Variants in TTC27 observed in about 807,000 individuals in gnomAD.
TTC27 encodes tetratricopeptide repeat domain 27.
TTC27 carries 79 observed loss-of-function variants against 115.9 expected under a neutral mutation model. The observed-to-expected ratio is 0.68, with a 90% CI of 0.57 to 0.82. The LOEUF (loss-of-function observed/expected upper bound fraction) is 0.82. Among genes scored for constraint, TTC27 ranks in the 40% least tolerant of loss-of-function variants. TTC27 has a pLI of 0.00. For synonymous variants in TTC27, 401 were observed against 356.0 expected (o/e 1.13, Z -1.42); for missense variants, 1,054 against 993.1 (o/e 1.06, Z -0.82).
chr2:32,663,463 C>T (rs1219961114), intron 5 of TTC27, among the ~76,000 whole-genome samples: 3 of 152,112 alleles, frequency 2.0e-5, no homozygotes, highest in African/African-American at 2.4e-5. Flanking sequence ...GTGATCGCCT[C>T]GCCCTGCTTT....
chr2:32,653,400 C>T (rs1467280382), intron 5 of TTC27, among the ~76,000 whole-genome samples: 1 of 152,086 alleles, frequency 6.6e-6, no homozygotes, highest in Non-Finnish European at 1.5e-5. Context: ...TCAAGACCAG[C>T]CTGGCCAACA....
At chr2:32,630,953 G>A (rs139815070) in intron 2 of TTC27, among the ~76,000 whole-genome samples, 300 of 152,108 alleles carry the variant, frequency 2.0e-3, no homozygotes, top group African/African-American at 6.7e-3. Flanking sequence ...CAAATGCTTA[G>A]GTCTGGTCGG....
intron 4 of TTC27, among the ~76,000 whole-genome samples, chr2:32,644,782 G>C (rs555517567): frequency 1.1e-4 from 16 of 150,010 alleles, no homozygotes; most frequent in Non-Finnish European, 1.5e-4. Context: ...TTTTCCTGTG[G>C]GTCTTTACTA....
At chr2:32,727,038 C>G (rs188857364) in intron 10 of TTC27, among the ~76,000 whole-genome samples, 3 of 152,080 alleles carry the variant, frequency 2.0e-5, no homozygotes, top group Admixed American at 1.3e-4. Context: ...TACCTCCCAC[C>G]GGGTCCCTCC....
At chr2:32,783,678 G>A (rs1283607284) in intron 15 of TTC27, among the ~76,000 whole-genome samples, 1 of 152,212 alleles carries the variant, frequency 6.6e-6, no homozygotes, top group African/African-American at 2.4e-5. Context: ...CACAGCTGTT[G>A]TAACAATTCA....
At chr2:32,746,535 C>T (rs1426890691) in intron 12 of TTC27, among the ~76,000 whole-genome samples, 1 of 86,976 alleles carries the variant, frequency 1.1e-5, no homozygotes, top group Non-Finnish European at 2.0e-5. Flanking sequence ...TGCACTCCAG[C>T]CTTGGCAATA....
chr2:32,786,162 C>T (rs1292893710), intron 15 of TTC27, among the ~76,000 whole-genome samples: 2 of 152,036 alleles, frequency 1.3e-5, no homozygotes, highest in African/African-American at 4.8e-5. Context: ...TGCTCTGTTG[C>T]CCAGGCTGGA....
intron 2 of TTC27, among the ~76,000 whole-genome samples, chr2:32,631,553 A>G (rs548634086): frequency 6.6e-6 from 1 of 152,302 alleles, no homozygotes; most frequent in East Asian, 1.9e-4. Context: ...TTTCATTGTT[A>G]TAAATTTGAT....
intron 15 of TTC27, 49 bp downstream of exon 15, chr2:32,782,727 A>C: frequency 6.9e-7 from 1 of 1,455,170 alleles, no homozygotes; most frequent in South Asian, 1.2e-5. Flanking sequence ...AAATAAATGA[A>C]TGAGATTTTC....
intron 10 of TTC27, among the ~76,000 whole-genome samples, chr2:32,714,688 A>C (rs1325891129): frequency 6.6e-6 from 1 of 152,182 alleles, no homozygotes; most frequent in Non-Finnish European, 1.5e-5. Context: ...CAATGGCTGA[A>C]CTAATTTACA....
rs531888217 is a variant in TTC27 at position 32,775,911 on chromosome 2, G to A, written c.1681-1971G>A. On this transcript the variant is annotated intron_variant, in intron 13 of 19. Transcript: ENST00000317907. ...TTTACATGTTAGCATCAGACTTTAG[G>A]TTCTCTCAGAATGTATCATGTTCAG... Among the ~76,000 whole-genome samples the A allele has an allele frequency of 6.6e-5, 10 of 152,186 alleles. 1 individual carries two copies. The Middle Eastern group carries it at 0.031, about 466-fold the overall frequency.
At position 32,681,192 on chromosome 2, in the gene TTC27, C is replaced by G. The variant is rs116175737; in HGVS notation, c.1119+2270C>G. Among the ~76,000 whole-genome samples the G allele has an allele frequency of 5.9e-3, 891 of 152,258 alleles. 7 individuals carry two copies. The highest frequency in any genetic ancestry group is 0.02 in the African/African-American group (823 of 41,544). ...AACTCTTCTAAAGAGATGAGTTAATCCCGAGTAAATCTTTAATTGGAGAAG... is the reference window on the plus strand; with the variant it reads ...AACTCTTCTAAAGAGATGAGTTAATGCCGAGTAAATCTTTAATTGGAGAAG... On this transcript the variant is annotated intron_variant, in intron 9 of 19. Coordinates refer to ENST00000317907, the MANE Select transcript of TTC27 (RefSeq NM_017735.5).
At chr2:32,637,780 T>A (rs1664484320) in intron 3 of TTC27, among the ~76,000 whole-genome samples, 1 of 152,222 alleles carries the variant, frequency 6.6e-6, no homozygotes, top group African/African-American at 2.4e-5. Flanking sequence ...TTAGGCAGGT[T>A]CTTCTGAGTT....
chr2:32,710,453 G>T (rs1667536509), intron 10 of TTC27, among the ~76,000 whole-genome samples: 2 of 131,376 alleles, frequency 1.5e-5, no homozygotes, highest in South Asian at 4.8e-4. Flanking sequence ...TTCTGAGATG[G>T]AGTCTTGCTC....
intron 19 of TTC27, among the ~76,000 whole-genome samples, chr2:32,818,842 T>A (rs1288127012): frequency 6.6e-6 from 1 of 152,230 alleles, no homozygotes; most frequent in Non-Finnish European, 1.5e-5. Flanking sequence ...ATTAATGGTT[T>A]GATCTTTTCA....
At position 32,663,940 on chromosome 2, in the gene TTC27, C is replaced by T. The variant is rs373692783; in HGVS notation, c.641-363C>T. Among the ~76,000 whole-genome samples, 8 of 151,938 alleles carry T rather than the reference C, an allele frequency of 5.3e-5. No homozygotes were observed. The East Asian group carries it at 9.6e-4, about 18-fold the overall frequency. On this transcript the variant is annotated intron_variant, in intron 5 of 19. Coordinates refer to ENST00000317907, the MANE Select transcript of TTC27 (RefSeq NM_017735.5). ...CCTTGTGATCCGCCCACCTCGGCCTCGCAAGGTACAGGGATTACAGGCGTG... is the reference window on the plus strand; with the variant it reads ...CCTTGTGATCCGCCCACCTCGGCCTTGCAAGGTACAGGGATTACAGGCGTG...
chr2:32,674,205 C>T (rs1232847307), intron 8 of TTC27, among the ~76,000 whole-genome samples: 3 of 150,478 alleles, frequency 2.0e-5, no homozygotes. Context: ...GGCTGGAGTG[C>T]AGTGGCGCGA....
At chr2:32,648,918 G>C (rs775518177) in intron 4 of TTC27, among the ~76,000 whole-genome samples, 1 of 152,054 alleles carries the variant, frequency 6.6e-6, no homozygotes, top group Non-Finnish European at 1.5e-5. Context: ...AGCTGAAGTG[G>C]GAGGATCACG....
chr2:32,653,809 G>C (rs752541168), intron 5 of TTC27, among the ~76,000 whole-genome samples: 4 of 152,104 alleles, frequency 2.6e-5, no homozygotes, highest in Non-Finnish European at 5.9e-5. Flanking sequence ...TACATTTTAA[G>C]TGTGGGTGAC....
Sources: gnomAD v4.1 joint callset for allele counts (sites outside exome capture counted in the v4.1 genomes callset) on GRCh38, gnomAD v4.1.1 for gene constraint, MANE v1.5 for transcripts, NCBI Gene and HGNC (gene_info 2026-07-23, HGNC 2026-07-21) for gene names.